The following RSRC1 variants were observed in gnomAD, a reference collection of about 807,000 sequenced individuals.
RSRC1 encodes the protein serine/Arginine-related protein 53.
Under a neutral mutation model 49.1 loss-of-function variants are expected in RSRC1, and 39 were observed. That is an observed-to-expected ratio of 0.79 (90% CI 0.61 to 1.04). The LOEUF is 1.04. Ranked by LOEUF, RSRC1 falls within the 50% of genes least tolerant of loss-of-function variation. RSRC1 has a pLI of 0.00. For missense variants in RSRC1, 388 were observed against 402.4 expected, an observed-to-expected ratio of 0.96 and a Z score of 0.31; for synonymous variants, 143 against 130.8, an observed-to-expected ratio of 1.09 and a Z score of -0.63.
intron 6 of RSRC1, among the ~76,000 whole-genome samples, chr3:158,416,815 A>C (rs1004361577): frequency 2.6e-5 from 4 of 152,078 alleles, no homozygotes; most frequent in Admixed American, 2.6e-4. Flanking sequence ...AGTTTTAAGG[A>C]AGTAAATATT....
chr3:158,204,236 G>A (rs1219378001), intron 4 of RSRC1, among the ~76,000 whole-genome samples: 2 of 152,034 alleles, frequency 1.3e-5, no homozygotes, highest in African/African-American at 4.8e-5. Flanking sequence ...ACAGTTGTTT[G>A]TGTGTTTATT....
chr3:158,242,056 T>TTTTTG (rs1553773690), intron 4 of RSRC1, among the ~76,000 whole-genome samples: 1 of 146,066 alleles, frequency 6.8e-6, no homozygotes, highest in Non-Finnish European at 1.5e-5. Flanking sequence ...TTTTTTTTTT[T>TTTTTG]TTAGTTTAGG....
At chr3:158,116,466 C>T (rs1479660540) in intron 1 of RSRC1, among the ~76,000 whole-genome samples, 1 of 151,840 alleles carries the variant, frequency 6.6e-6, no homozygotes, top group Non-Finnish European at 1.5e-5. Context: ...TGTATGTACT[C>T]GAGTGGAAAT....
At chr3:158,504,096 C>T (rs1007016700) in intron 7 of RSRC1, among the ~76,000 whole-genome samples, 2 of 152,208 alleles carry the variant, frequency 1.3e-5, no homozygotes, top group Non-Finnish European at 2.9e-5. Flanking sequence ...TCTAAATTGA[C>T]TCAGCTCCAG....
At chr3:158,535,309 A>G (rs1712658432) in intron 7 of RSRC1, among the ~76,000 whole-genome samples, 1 of 151,406 alleles carries the variant, frequency 6.6e-6, no homozygotes, top group Non-Finnish European at 1.5e-5. Flanking sequence ...CATATTAAGA[A>G]AAACAAATAC....
chr3:158,396,352 T>A (rs1472485293), intron 6 of RSRC1, among the ~76,000 whole-genome samples: 3 of 151,744 alleles, frequency 2.0e-5, no homozygotes, highest in Admixed American at 6.6e-5. Flanking sequence ...AAAGTTTTTT[T>A]AAAATCCCAA....
intron 6 of RSRC1, among the ~76,000 whole-genome samples, chr3:158,444,493 A>G (rs1462953508): frequency 3.9e-5 from 6 of 152,166 alleles, no homozygotes. Flanking sequence ...CTTACACCAT[A>G]TACAAAAAGT....
chr3:158,168,463 G>A (rs1487421342), intron 3 of RSRC1, among the ~76,000 whole-genome samples: 1 of 152,170 alleles, frequency 6.6e-6, no homozygotes, highest in African/African-American at 2.4e-5. Flanking sequence ...ACCAATAGGA[G>A]AACAAGAGTG....
chr3:158,538,070 C>G (rs914352210), intron 8 of RSRC1, among the ~76,000 whole-genome samples: 2 of 151,782 alleles, frequency 1.3e-5, no homozygotes, highest in Non-Finnish European at 3.0e-5. Flanking sequence ...CCCAAAAGTT[C>G]AAAGAGATAT....
At chr3:158,217,055 A>T (rs1721981505) in intron 4 of RSRC1, among the ~76,000 whole-genome samples, 2 of 151,738 alleles carry the variant, frequency 1.3e-5, no homozygotes, top group African/African-American at 4.8e-5. Context: ...CCTGTTGGAC[A>T]TGTCTAGAAT....
intron 3 of RSRC1, among the ~76,000 whole-genome samples, chr3:158,139,834 C>T (rs1393384429): frequency 1.3e-5 from 2 of 152,132 alleles, no homozygotes; most frequent in Non-Finnish European, 2.9e-5. Context: ...ATGGTTTCCC[C>T]ATGTTGGCCA....
intron 5 of RSRC1, among the ~76,000 whole-genome samples, chr3:158,352,588 C>A (rs1390339204): frequency 7.2e-5 from 11 of 152,154 alleles, no homozygotes; most frequent in Admixed American, 7.2e-4. Context: ...CAAGGATGCT[C>A]TGACATGTAT....
chr3:158,257,463 C>T (rs1231476128), intron 4 of RSRC1, among the ~76,000 whole-genome samples: 2 of 152,006 alleles, frequency 1.3e-5, no homozygotes, highest in Non-Finnish European at 2.9e-5. Context: ...GTTATTCCTG[C>T]TCTTTTTTGT....
intron 3 of RSRC1, among the ~76,000 whole-genome samples, chr3:158,124,303 G>A (rs557102571): frequency 1.4e-3 from 208 of 152,122 alleles, no homozygotes; most frequent in Non-Finnish European, 1.8e-3. Flanking sequence ...TAGCACGTGC[G>A]TTCCCCAGAC....
intron 3 of RSRC1, among the ~76,000 whole-genome samples, chr3:158,133,785 A>G (rs773995600): frequency 3.3e-5 from 5 of 152,214 alleles, no homozygotes; most frequent in Non-Finnish European, 7.3e-5. Flanking sequence ...CTTCTCATTA[A>G]TATACATCAG....
At chr3:158,438,540 A>G (rs532476806) in intron 6 of RSRC1, among the ~76,000 whole-genome samples, 22 of 152,340 alleles carry the variant, frequency 1.4e-4, no homozygotes, top group Admixed American at 9.8e-4. Context: ...CTGATCTTTG[A>G]CAAACCTGAC....
intron 4 of RSRC1, among the ~76,000 whole-genome samples, chr3:158,274,643 A>G (rs1438555516): frequency 6.6e-6 from 1 of 152,304 alleles, no homozygotes; most frequent in African/African-American, 2.4e-5. Flanking sequence ...TTCCTTGTCT[A>G]CATTTCCTTT....
At chr3:158,356,202 G>A (rs959994090) in intron 6 of RSRC1, among the ~76,000 whole-genome samples, 3 of 151,924 alleles carry the variant, frequency 2.0e-5, no homozygotes, top group Non-Finnish European at 4.4e-5. Context: ...TTACTATAAA[G>A]AGCTCATAAT....
At position 158,544,534 on chromosome 3, in the gene RSRC1, A is replaced by C; in HGVS notation, c.*259A>C. On this transcript the variant is annotated 3_prime_UTR_variant, in exon 10 of 10. Transcript: ENST00000611884. ...AAGCTAAACATAAATAAGTCTGTTA[A>C]AATGAATGGTAGACACTAGTGTTTC... The C allele has an allele frequency of 4.0e-6, 1 of 251,538 alleles. No individual in the cohort carries two copies. The highest frequency in any genetic ancestry group is 7.6e-6 in the Non-Finnish European group (1 of 131,930). 15.6% of individuals were successfully genotyped at this position (251,538 alleles called of 1,614,324 possible). A position where few individuals can be genotyped will look rare whatever the true frequency, so the allele number is the denominator to read the frequency against.
Sources: gnomAD v4.1 joint callset for allele counts (sites outside exome capture counted in the v4.1 genomes callset) on GRCh38, gnomAD v4.1.1 for gene constraint, MANE v1.5 for transcripts, NCBI Gene and HGNC (gene_info 2026-07-23, HGNC 2026-07-21) for gene names.